THSD4: variants seen among roughly 807,000 people sequenced by gnomAD.
THSD4 encodes thrombospondin type-1 domain-containing protein 4.
THSD4 carries 69 observed loss-of-function variants against 119.0 expected under a neutral mutation model. The ratio of observed to expected loss-of-function variants is 0.58; its 90% confidence interval spans 0.48 to 0.71. THSD4 has a LOEUF of 0.71. Ranked by LOEUF, THSD4 falls within the 30% of genes least tolerant of loss-of-function variation. The pLI is 0.00. For missense variants in THSD4, 1,393 were observed against 1,391.1 expected, an observed-to-expected ratio of 1.00 and a Z score of -0.02; for synonymous variants, 524 against 540.4, an observed-to-expected ratio of 0.97 and a Z score of 0.42.
At chr15:71,244,954 G>T (rs1030433495) in intron 5 of THSD4, among the ~76,000 whole-genome samples, 13 of 152,192 alleles carry the variant, frequency 8.5e-5, no homozygotes, top group Non-Finnish European at 1.5e-4. Context: ...AGCATTCCTT[G>T]CATTTAACTT....
upstream of THSD4, chr15:71,110,510 C>T (rs1052302): frequency 0.016 from 2,447 of 153,134 alleles, 43 homozygotes; most frequent in Non-Finnish European, 0.026. Flanking sequence ...GCACTCCTTT[C>T]TCAATTGTTA....
In THSD4 at chr15:71,461,475, G is replaced by A. The variant is rs577272333; in HGVS notation, c.1152+49652G>A. Among the ~76,000 whole-genome samples the A allele has an allele frequency of 2.0e-3, 297 of 152,244 alleles. 17 individuals carry two copies. The South Asian group carries it at 0.06, about 31-fold the overall frequency. ...AACACCAGTTGCCATCTCAGAGCTG[G>A]GTCAGCACACCCTCGATGGCCCTTC... On this transcript the variant is annotated intron_variant, in intron 7 of 17. Coordinates refer to ENST00000261862, the MANE Select transcript of THSD4 (RefSeq NM_024817.3).
intron 6 of THSD4, among the ~76,000 whole-genome samples, chr15:71,389,945 C>G (rs993907573): frequency 6.6e-6 from 1 of 151,254 alleles, no homozygotes; most frequent in Non-Finnish European, 1.5e-5. Flanking sequence ...GCTGGGACTA[C>G]AGGCGCCCAC....
intron 6 of THSD4, among the ~76,000 whole-genome samples, chr15:71,364,658 G>A (rs773981568): frequency 2.0e-4 from 30 of 152,176 alleles, no homozygotes; most frequent in East Asian, 1.7e-3. Flanking sequence ...GTACATCAAC[G>A]TTTCCAGATC....
intron 4 of THSD4, among the ~76,000 whole-genome samples, chr15:71,232,083 AACACAC>A (rs1219521793): frequency 6.6e-6 from 1 of 152,010 alleles, no homozygotes; most frequent in Non-Finnish European, 1.5e-5. Context: ...CTCCTTGGTG[AACACAC>A]ACGTTTCTGG....
chr15:71,504,713 G>A (rs187398729), intron 7 of THSD4, among the ~76,000 whole-genome samples: 1 of 152,190 alleles, frequency 6.6e-6, no homozygotes, highest in African/African-American at 2.4e-5. Context: ...TTAACGTCTT[G>A]TATTACTAGG....
At chr15:71,698,666 A>G (rs1236301721) in intron 8 of THSD4, among the ~76,000 whole-genome samples, 1 of 149,824 alleles carries the variant, frequency 6.7e-6, no homozygotes, top group African/African-American at 2.4e-5. Context: ...ATATACATGC[A>G]TGTATATATT....
intron 6 of THSD4, chr15:71,348,365 T>C (rs931213792): frequency 6.6e-6 from 1 of 152,228 alleles, no homozygotes; most frequent in African/African-American, 2.4e-5. Context: ...CTGTTGTTGC[T>C]GCTCTGAGGA....
intron 7 of THSD4, among the ~76,000 whole-genome samples, chr15:71,490,083 A>G (rs939730609): frequency 3.3e-5 from 5 of 152,192 alleles, no homozygotes; most frequent in African/African-American, 1.2e-4. Context: ...ATGTTTACAT[A>G]AAATATTTTA....
intron 4 of THSD4, among the ~76,000 whole-genome samples, chr15:71,221,537 A>T (rs1567161714): frequency 6.6e-6 from 1 of 152,194 alleles, no homozygotes; most frequent in African/African-American, 2.4e-5. Flanking sequence ...TGAATGATAC[A>T]GTATTTGTCG....
chr15:71,296,857 T>G (rs193099356), intron 6 of THSD4, among the ~76,000 whole-genome samples: 53 of 152,336 alleles, frequency 3.5e-4, no homozygotes, highest in Non-Finnish European at 5.4e-4. Context: ...GATTTTTAAT[T>G]GCTCCGAGCC....
chr15:71,327,019 T>C (rs559923396), intron 6 of THSD4, among the ~76,000 whole-genome samples: 2 of 151,586 alleles, frequency 1.3e-5, no homozygotes, highest in East Asian at 3.9e-4. Context: ...ATACAAAAAT[T>C]AGCTAGGCAT....
In THSD4 at chr15:71,781,254, T is replaced by C. The variant is rs953093852; in HGVS notation, c.*3880T>C. On this transcript the variant is annotated 3_prime_UTR_variant, in exon 18 of 18. Coordinates refer to ENST00000261862, the MANE Select transcript of THSD4 (RefSeq NM_024817.3). ...CAGGGAGACTAGAATAAAACTTGGA[T>C]GTTAAAAATTCACCAGGAATCCACA... 1 of 156,072 alleles carries C rather than the reference T, an allele frequency of 6.4e-6. No individual in the cohort carries two copies. Among genetic ancestry groups the C allele is most frequent in the Non-Finnish European group, 1.4e-5 (1 of 70,274 alleles). 9.7% of individuals were successfully genotyped at this position (156,072 alleles called of 1,614,324 possible).
At chr15:71,532,301 T>A (rs1294842176) in intron 7 of THSD4, among the ~76,000 whole-genome samples, 198 of 111,326 alleles carry the variant, frequency 1.8e-3, no homozygotes, top group East Asian at 7.5e-3. Context: ...TGTGTGTGTG[T>A]GTGTGTGTGT....
At chr15:71,315,788 C>T (rs8023818) in intron 6 of THSD4, among the ~76,000 whole-genome samples, 95,703 of 151,962 alleles carry the variant, frequency 0.63, 30,615 homozygotes, top group East Asian at 0.73. Context: ...GATGTAGATG[C>T]TTCAGTTTCA....
chr15:71,475,648 C>A (rs947329927), intron 7 of THSD4, among the ~76,000 whole-genome samples: 2 of 152,114 alleles, frequency 1.3e-5, no homozygotes, highest in African/African-American at 4.8e-5. Context: ...GGCGGCCAGG[C>A]GTGGTGGCTC....
chr15:71,544,293 A>G (rs141786295), intron 7 of THSD4, among the ~76,000 whole-genome samples: 170 of 152,340 alleles, frequency 1.1e-3, no homozygotes, highest in Admixed American at 2.0e-3. Flanking sequence ...ATTATTTAAT[A>G]AGACTGTTGT....
intron 6 of THSD4, among the ~76,000 whole-genome samples, chr15:71,277,170 G>C (rs1220232256): frequency 7.8e-6 from 1 of 127,514 alleles, no homozygotes; most frequent in Admixed American, 8.9e-5. Context: ...TTGTCACCCA[G>C]GCTGGAGTGC....
At chr15:71,750,920 A>G (rs901541211) in intron 14 of THSD4, among the ~76,000 whole-genome samples, 1 of 152,226 alleles carries the variant, frequency 6.6e-6, no homozygotes, top group Non-Finnish European at 1.5e-5. Context: ...CCTCCTTGCC[A>G]GCATGAGGAA....
Sources: gnomAD v4.1 joint callset for allele counts (sites outside exome capture counted in the v4.1 genomes callset) on GRCh38, gnomAD v4.1.1 for gene constraint, MANE v1.5 for transcripts, NCBI Gene and HGNC (gene_info 2026-07-23, HGNC 2026-07-21) for gene names.